The following GLG1 variants were observed in gnomAD, a reference collection of about 807,000 sequenced individuals.
GLG1 encodes Golgi apparatus protein 1.
Under a neutral mutation model 160.5 loss-of-function variants are expected in GLG1, and 38 were observed. The observed-to-expected ratio is 0.24, with a 90% confidence interval of 0.18 to 0.31. GLG1 has a LOEUF of 0.31. Among genes scored for constraint, GLG1 ranks in the 10% least tolerant of loss-of-function variants. GLG1 has a pLI of 1.00. For synonymous variants in GLG1, 644 were observed against 543.4 expected (o/e 1.19, Z -2.57); for missense variants, 1,373 against 1,505.2 (o/e 0.91, Z 1.45).
intron 12 of GLG1, among the ~76,000 whole-genome samples, chr16:74,475,771 A>G (rs2015373145): frequency 6.6e-6 from 1 of 152,212 alleles, no homozygotes; most frequent in South Asian, 2.1e-4. Flanking sequence ...AGGGGAAGAG[A>G]GGAGTTGTAG....
In GLG1 at chr16:74,503,502, T is replaced by C. The variant is rs576085273; in HGVS notation, c.774+29A>G. 2.6e-4 allele frequency: 374 copies of C among 1,438,754 alleles called. 1 individual carries two copies. The highest frequency in any genetic ancestry group is 3.5e-4 in the Non-Finnish European group (360 of 1,020,500). The allele number at this position is 1,438,754 out of a possible 1,614,324, so 89.1% of individuals were successfully genotyped here. A position where few individuals can be genotyped will look rare whatever the true frequency, so the allele number is the denominator to read the frequency against. Reference sequence around the variant, plus strand: ...TTCATACACCAAATTTTAAGACCCCTTTGTTGAAGCTAACGTAGTATTAGA... The same window carrying C: ...TTCATACACCAAATTTTAAGACCCCCTTGTTGAAGCTAACGTAGTATTAGA... On this transcript the variant is annotated intron_variant, in intron 4 of 25. Transcript: ENST00000422840.
At chr16:74,508,560 T>C (rs187171041) in intron 3 of GLG1, among the ~76,000 whole-genome samples, 2 of 152,312 alleles carry the variant, frequency 1.3e-5, no homozygotes, top group Admixed American at 1.3e-4. Flanking sequence ...TGTTGTCCAA[T>C]GTGTGAGAGT....
At chr16:74,599,013 C>T (rs2143902387) in intron 1 of GLG1, among the ~76,000 whole-genome samples, 2 of 152,092 alleles carry the variant, frequency 1.3e-5, no homozygotes, top group Middle Eastern at 3.4e-3. Context: ...TACAGCATTT[C>T]ATCTTTTGGA....
intron 2 of GLG1, among the ~76,000 whole-genome samples, chr16:74,529,436 T>G (rs1280665590): frequency 6.6e-6 from 1 of 150,946 alleles, no homozygotes; most frequent in African/African-American, 2.5e-5. Context: ...CCTCTATTTA[T>G]AGGAAAATAT....
chr16:74,489,418 C>A (rs77435188), intron 8 of GLG1, among the ~76,000 whole-genome samples: 1,586 of 151,524 alleles, frequency 0.01, 51 homozygotes, highest in East Asian at 0.07. Flanking sequence ...CTGCTATGAG[C>A]AGAGGTTGCG....
At chr16:74,572,697 C>T (rs1211871179) in intron 1 of GLG1, among the ~76,000 whole-genome samples, 1 of 152,128 alleles carries the variant, frequency 6.6e-6, no homozygotes, top group Non-Finnish European at 1.5e-5. Flanking sequence ...CATCTGTGTC[C>T]TTCATAATAT....
chr16:74,472,283 A>G, intron 14 of GLG1, 66 bp downstream of exon 14: 1 of 1,028,222 alleles, frequency 9.7e-7, no homozygotes, highest in Non-Finnish European at 1.5e-6. Context: ...AGTCTGAGAT[A>G]CTCAGGGGAG....
rs117762077 is a variant in GLG1 at position 74,484,999 on chromosome 16, G to A, written c.1571+797C>T. On this transcript the variant is annotated intron_variant, in intron 9 of 25. Coordinates refer to ENST00000422840, the MANE Select transcript of GLG1 (RefSeq NM_001145667.2). ...TATGATCATAACTCACTGTAACCTT[G>A]AACTCCTGGGCTCAAGCAATCTTCC... is the stretch of plus-strand genomic sequence containing the variant. Among the ~76,000 whole-genome samples, 22 of 152,112 alleles carry A rather than the reference G, an allele frequency of 1.4e-4. No individual in the cohort carries two copies. The East Asian group carries it at 4.3e-3, about 30-fold the overall frequency.
intron 4 of GLG1, 100 bp from the exon 5 acceptor site, chr16:74,496,744 AC>A: frequency 1.3e-6 from 1 of 765,856 alleles, no homozygotes; most frequent in South Asian, 1.5e-5. Flanking sequence ...ACACACACAC[AC>A]ACAAAGTAAT....
At chr16:74,560,816 C>T (rs929453036) in intron 1 of GLG1, among the ~76,000 whole-genome samples, 11 of 147,304 alleles carry the variant, frequency 7.5e-5, no homozygotes, top group Admixed American at 2.7e-4. Context: ...AATCCCATCT[C>T]GAAAGAAAAA....
At chr16:74,567,630 G>A (rs1036185033) in intron 1 of GLG1, among the ~76,000 whole-genome samples, 15 of 133,762 alleles carry the variant, frequency 1.1e-4, no homozygotes, top group African/African-American at 2.0e-4. Context: ...CTGCAGTGGC[G>A]CAATCTCGGC....
At chr16:74,564,338 C>G (rs2143752068) in intron 1 of GLG1, among the ~76,000 whole-genome samples, 1 of 152,306 alleles carries the variant, frequency 6.6e-6, no homozygotes, top group South Asian at 2.1e-4. Context: ...CTTGCTCATT[C>G]TTTGATCTAT....
At chr16:74,485,216 G>C (rs2015748583) in intron 9 of GLG1, among the ~76,000 whole-genome samples, 1 of 152,200 alleles carries the variant, frequency 6.6e-6, no homozygotes, top group South Asian at 2.1e-4. Flanking sequence ...CATGGTTTAA[G>C]AGCTGTTTTT....
intron 21 of GLG1, 68 bp from the exon 22 acceptor site, chr16:74,462,263 T>TA: frequency 1.2e-6 from 1 of 857,216 alleles, no homozygotes; most frequent in Non-Finnish European, 1.9e-6. Flanking sequence ...AAGCAGGACA[T>TA]GAAAAAAAAA....
intron 1 of GLG1, among the ~76,000 whole-genome samples, chr16:74,537,100 AAT>A (rs755783060): frequency 1.2e-4 from 19 of 152,350 alleles, no homozygotes; most frequent in Non-Finnish European, 2.1e-4. Context: ...TTAATGACCA[AAT>A]ATGAGAGAAA....
At chr16:74,550,102 A>C (rs1413224122) in intron 1 of GLG1, among the ~76,000 whole-genome samples, 1 of 152,172 alleles carries the variant, frequency 6.6e-6, no homozygotes, top group Non-Finnish European at 1.5e-5. Flanking sequence ...TGAGCAACAG[A>C]GCAAGATCTC....
In GLG1 at chr16:74,449,014, T is replaced by A. The variant is rs1251234882; in HGVS notation, c.*4153A>T. 6.6e-6 allele frequency: 1 copy of A among 151,152 alleles called. No individual in the cohort carries two copies. Among genetic ancestry groups the A allele is most frequent in the Non-Finnish European group, 1.5e-5 (1 of 67,912 alleles). 9.4% of individuals were successfully genotyped at this position (151,152 alleles called of 1,614,324 possible). ...TACTCCGGAGGCTGAGGCAGGACAA[T>A]CGCTTGAACCAGGGAGTCGGAGGAT... On this transcript the variant is annotated 3_prime_UTR_variant, in exon 26 of 26. Transcript: ENST00000422840.
chr16:74,477,655 A>G, intron 11 of GLG1, 122 bp from the exon 12 acceptor site: 5 of 688,492 alleles, frequency 7.3e-6, no homozygotes, highest in Non-Finnish European at 7.2e-6. Flanking sequence ...CAAATTTTAT[A>G]CCTCAAATAT....
chr16:74,477,926 T>C (rs141439929), intron 11 of GLG1, among the ~76,000 whole-genome samples: 2,645 of 150,610 alleles, frequency 0.018, 33 homozygotes, highest in Non-Finnish European at 0.027. Context: ...TGAGCTGAGA[T>C]TGCACTACTG....
Sources: allele counts gnomAD v4.1 joint callset (sites outside exome capture counted in the v4.1 genomes callset), GRCh38; gene constraint gnomAD v4.1.1; transcripts MANE v1.5; gene names NCBI Gene and HGNC (gene_info 2026-07-23, HGNC 2026-07-21).